IL1RN: variants seen among roughly 807,000 people sequenced by gnomAD.
The protein encoded by IL1RN is interleukin-1 receptor antagonist protein.
A neutral mutation model predicts 13.7 loss-of-function variants in IL1RN; 10 were observed. That is an observed-to-expected ratio of 0.73 (90% CI 0.45 to 1.24). The LOEUF is 1.24. IL1RN is among the 50% of genes most tolerant of loss of function. The pLI is 0.00. For missense variants in IL1RN, 213 were observed against 222.1 expected (o/e 0.96, Z 0.26); for synonymous variants, 102 against 82.7 (o/e 1.23, Z -1.27).
chr2:113,131,738 A>G (rs115360896), intron 3 of IL1RN, among the ~76,000 whole-genome samples: 28 of 152,078 alleles, frequency 1.8e-4, no homozygotes, highest in African/African-American at 6.3e-4. Context: ...TATTGACTCA[A>G]ATTGATTAGT....
At chr2:113,110,259 C>T (rs572547505), upstream of IL1RN, among the ~76,000 whole-genome samples, 4 of 152,324 alleles carry the variant, frequency 2.6e-5, no homozygotes, top group Admixed American at 6.5e-5. Flanking sequence ...TACTCTGAAG[C>T]CTTTGAGGAA....
intron 1 of IL1RN, among the ~76,000 whole-genome samples, chr2:113,119,440 C>A (rs1335898245): frequency 3.3e-5 from 5 of 152,166 alleles, no homozygotes; most frequent in African/African-American, 4.8e-5. Flanking sequence ...CTACACTATG[C>A]TATGGGGGCA....
chr2:113,121,011 C>T (rs1281244627), intron 2 of IL1RN, among the ~76,000 whole-genome samples: 59 of 145,524 alleles, frequency 4.1e-4, no homozygotes, highest in African/African-American at 1.5e-3. Flanking sequence ...TCTTCTTCCT[C>T]CTCCTTCTCC....
intron 3 of IL1RN, among the ~76,000 whole-genome samples, 162 bp from the exon 4 acceptor site, chr2:113,132,494 C>G (rs1383272875): frequency 2.0e-5 from 3 of 152,212 alleles, no homozygotes; most frequent in African/African-American, 7.2e-5. Flanking sequence ...CAGAGTCCCA[C>G]AGAATGGCAG....
chr2:113,107,406 T>C (rs1310241660), upstream of IL1RN: 1 of 152,196 alleles, frequency 6.6e-6, no homozygotes, highest in African/African-American at 2.4e-5. Flanking sequence ...AACTAACTGT[T>C]AATATAAAAT....
At position 113,132,671 on chromosome 2, in the gene IL1RN, G is replaced by A; in HGVS notation, c.334G>A (p.Asp112Asn). ...TGATTTCCAGGCAGTTAACATCACT[G>A]ACCTGAGCGAGAACAGAAAGCAGGA... Reference protein sequence around the residue: ...RLQLEAVNITDLSENRKQDKR... With the variant: ...RLQLEAVNITNLSENRKQDKR... The change falls in exon 4 of 4, where the codon GAC (aspartate) becomes AAC (asparagine). Residue 112 changes from aspartate to asparagine, a missense_variant. Physicochemically the swap from Asp to Asn is conservative, Grantham distance 23 (BLOSUM62 1). Coordinates refer to ENST00000409930, the MANE Select transcript of IL1RN (RefSeq NM_173842.3). 3 of 1,614,124 alleles carry A rather than the reference G, an allele frequency of 1.9e-6. No homozygotes were observed. The highest frequency in any genetic ancestry group is 2.5e-6 in the Non-Finnish European group (3 of 1,179,998).
At chr2:113,121,404 C>G (rs1686779701) in intron 2 of IL1RN, 10 of 958,358 alleles carry the variant, frequency 1.0e-5, no homozygotes, top group Non-Finnish European at 1.2e-5. Context: ...CAGTTGTCCC[C>G]TTCCCCATGG....
chr2:113,116,576 C>A (rs1043741350), upstream of IL1RN, among the ~76,000 whole-genome samples: 2 of 152,128 alleles, frequency 1.3e-5, no homozygotes, highest in South Asian at 4.1e-4. Context: ...ATGAAGAGAC[C>A]CTGGGAATGA....
upstream of IL1RN, chr2:113,113,198 A>G (rs1256893310): frequency 2.0e-5 from 3 of 152,270 alleles, no homozygotes; most frequent in African/African-American, 7.2e-5. Flanking sequence ...TGAATGGATA[A>G]AGAAATTGTG....
upstream of IL1RN, among the ~76,000 whole-genome samples, chr2:113,106,702 T>C (rs1408567436): frequency 1.3e-5 from 2 of 152,212 alleles, no homozygotes; most frequent in Non-Finnish European, 2.9e-5. Flanking sequence ...AACTTTCAAC[T>C]TCAGGCATGA....
chr2:113,108,088 C>T (rs1231219108), upstream of IL1RN, among the ~76,000 whole-genome samples: 2 of 152,156 alleles, frequency 1.3e-5, no homozygotes, highest in African/African-American at 2.4e-5. Flanking sequence ...AGAAGTCTTA[C>T]TGGGCTAAAA....
chr2:113,099,719 CTTT>C, the IL1RN span, among the ~76,000 whole-genome samples: 9,569 of 79,548 alleles, frequency 0.12, 2,610 homozygotes, highest in African/African-American at 0.2. Flanking sequence ...GCATCCTCTT[CTTT>C]CTTTTCTTTT....
upstream of IL1RN, chr2:113,117,704 C>T (rs974634717): frequency 3.8e-6 from 2 of 532,170 alleles, no homozygotes; most frequent in East Asian, 3.1e-5. Context: ...TGCATGTGAC[C>T]TCCCATCTTA....
rs150769804 is a variant in IL1RN at position 113,119,047 on chromosome 2, T to C, written c.10+1019T>C. 2.6e-3 allele frequency among the ~76,000 whole-genome samples: 393 copies of C among 152,068 alleles called. 1 individual carries two copies. The highest frequency in any genetic ancestry group is 9.0e-3 in the African/African-American group (373 of 41,484). On this transcript the variant is annotated intron_variant, in intron 1 of 5. Coordinates refer to the IL1RN transcript ENST00000259206. ...GAGAGACGCTCTCTCTAAAAAAAAA[T>C]ATGTAAAGATAAATAAAATGAAATA...
At position 113,120,050 on chromosome 2, in the gene IL1RN, A is replaced by C. The variant is rs747837384; in HGVS notation, c.11-16A>C. The C allele has an allele frequency of 3.0e-5, 48 of 1,609,922 alleles. No individual in the cohort carries two copies. The highest frequency in any genetic ancestry group is 4.1e-5 in the Non-Finnish European group (48 of 1,176,728). On this transcript the variant is annotated splice_polypyrimidine_tract_variant and intron_variant, in intron 1 of 5. Transcript: ENST00000259206. Reference sequence around the variant, plus strand: ...CTTTCTCTCTACACAATGGGGTCCCACCACTTCCCTTACAGCTGACTTGTA... The same window carrying C: ...CTTTCTCTCTACACAATGGGGTCCCCCCACTTCCCTTACAGCTGACTTGTA...
chr2:113,105,513 G>T (rs771997589), upstream of IL1RN, among the ~76,000 whole-genome samples: 1 of 152,122 alleles, frequency 6.6e-6, no homozygotes, highest in African/African-American at 2.4e-5. Context: ...CAAACAATAT[G>T]GTCATCCAAT....
upstream of IL1RN, chr2:113,115,718 A>G (rs978860892): frequency 6.6e-6 from 1 of 152,222 alleles, no homozygotes; most frequent in Non-Finnish European, 1.5e-5. Flanking sequence ...ACCCTAGGCT[A>G]AGCCACTGAT....
the IL1RN span, among the ~76,000 whole-genome samples, chr2:113,101,641 T>C: frequency 6.6e-6 from 1 of 152,254 alleles, no homozygotes; most frequent in African/African-American, 2.4e-5. Context: ...TTTTCTAATT[T>C]AATTTAGCTC....
intron 1 of IL1RN, among the ~76,000 whole-genome samples, chr2:113,128,570 T>C (rs2104453720): frequency 6.6e-6 from 1 of 152,174 alleles, no homozygotes; most frequent in African/African-American, 2.4e-5. Context: ...AGCTAGAAGC[T>C]CCAGGAGATC....
Sources: allele counts gnomAD v4.1 joint callset (sites outside exome capture counted in the v4.1 genomes callset), GRCh38; gene constraint gnomAD v4.1.1; transcripts MANE v1.5; gene names NCBI Gene and HGNC (gene_info 2026-07-23, HGNC 2026-07-21).